The following MTMR12 variants were observed in gnomAD, a reference collection of about 807,000 sequenced individuals.
The protein encoded by MTMR12 is myotubularin-related protein 12.
A neutral mutation model predicts 96.7 loss-of-function variants in MTMR12; 33 were observed. The ratio of observed to expected loss-of-function variants is 0.34; its 90% confidence interval spans 0.26 to 0.46. MTMR12 has a LOEUF of 0.46. Among genes scored for constraint, MTMR12 ranks in the 20% least tolerant of loss-of-function variants. The pLI, the probability that MTMR12 is intolerant of heterozygous loss-of-function variation, is 1.00. For synonymous variants in MTMR12, 298 were observed against 327.2 expected, an observed-to-expected ratio of 0.91 and a Z score of 0.96; for missense variants, 721 against 896.1, an observed-to-expected ratio of 0.80 and a Z score of 2.49.
At chr5:32,239,579 G>A (rs967336780) in intron 12 of MTMR12, among the ~76,000 whole-genome samples, 11 of 152,046 alleles carry the variant, frequency 7.2e-5, no homozygotes, top group Admixed American at 6.5e-4. Context: ...GGAAGCCTCC[G>A]TCACTGAACT....
At chr5:32,311,676 C>G (rs566802797) in intron 1 of MTMR12, among the ~76,000 whole-genome samples, 36 of 152,316 alleles carry the variant, frequency 2.4e-4, no homozygotes, top group African/African-American at 8.7e-4. Flanking sequence ...CTGAGCAAGG[C>G]CTACAAGTTC....
At chr5:32,286,599 G>GT (rs1750548670) in intron 1 of MTMR12, among the ~76,000 whole-genome samples, 1 of 152,058 alleles carries the variant, frequency 6.6e-6, no homozygotes, top group Admixed American at 6.6e-5. Context: ...AATGAGTGCT[G>GT]TAAGTACCAG....
chr5:32,294,434 C>T (rs1179947843), intron 1 of MTMR12, among the ~76,000 whole-genome samples: 6 of 152,060 alleles, frequency 3.9e-5, no homozygotes, highest in Non-Finnish European at 8.8e-5. Flanking sequence ...TCCTTAGTAG[C>T]TGGGATTACT....
chr5:32,292,759 G>GA (rs57298697), intron 1 of MTMR12, among the ~76,000 whole-genome samples: 1 of 151,674 alleles, frequency 6.6e-6, no homozygotes, highest in Non-Finnish European at 1.5e-5. Context: ...CTCCACTAGG[G>GA]AAAAAAAACC....
At chr5:32,303,406 T>A (rs1458593453) in intron 1 of MTMR12, among the ~76,000 whole-genome samples, 2 of 152,156 alleles carry the variant, frequency 1.3e-5, no homozygotes, top group African/African-American at 2.4e-5. Flanking sequence ...CTCCCAGCAC[T>A]GTACTCCCCC....
chr5:32,276,090 A>G (rs114467416), intron 2 of MTMR12, among the ~76,000 whole-genome samples: 2,350 of 152,364 alleles, frequency 0.015, 32 homozygotes, highest in Non-Finnish European at 0.024. Context: ...ATACACCACC[A>G]AGTAGTTACT....
intron 2 of MTMR12, among the ~76,000 whole-genome samples, chr5:32,275,095 C>T (rs1318928882): frequency 6.6e-6 from 1 of 152,094 alleles, no homozygotes; most frequent in East Asian, 1.9e-4. Context: ...TTTAAATTTA[C>T]TTTTTGGCTC....
chr5:32,243,563 C>A lies in MTMR12; in HGVS notation c.1058G>T (p.Trp353Leu). 6.2e-7 allele frequency: 1 copy of A among 1,611,986 alleles called. No homozygotes were observed. Among genetic ancestry groups the A allele is most frequent in the South Asian group, 1.1e-5 (1 of 90,962 alleles). The change falls in exon 11 of 16, where the codon TGG (tryptophan) becomes TTG (leucine). Residue 353 changes from tryptophan to leucine, a missense_variant. Coordinates refer to ENST00000382142, the MANE Select transcript of MTMR12 (RefSeq NM_001040446.3). ...STEFWDTDIK[W>L]FSLLESSSWL... ...GCTGCTACTTTCCAACAGAGAAAAC[C>A]ATTTTATATCTGTGTCCCAAAATTC...
intron 1 of MTMR12, among the ~76,000 whole-genome samples, chr5:32,287,039 A>G (rs569577547): frequency 1.3e-5 from 2 of 152,332 alleles, no homozygotes; most frequent in South Asian, 4.1e-4. Flanking sequence ...GTACAATGGG[A>G]ACACTTAGAA....
chr5:32,262,575 T>C (rs73069905), intron 7 of MTMR12, among the ~76,000 whole-genome samples: 9,206 of 152,112 alleles, frequency 0.061, 542 homozygotes, highest in African/African-American at 0.15. Context: ...TCCAGCATGG[T>C]GCAGCATAGG....
At position 32,312,889 on chromosome 5, in the gene MTMR12, G is replaced by C; in HGVS notation, c.-51C>G. On this transcript the variant is annotated 5_prime_UTR_variant, in exon 1 of 16. Coordinates refer to ENST00000382142, the MANE Select transcript of MTMR12 (RefSeq NM_001040446.3). This position sits in a 1 kb window ranked among gnomAD's most constrained non-coding sequence, Gnocchi z 5.0. Reference sequence around the variant, plus strand: ...CGCGGACGCAGAGGCGGCGGCTCGGGCTCCAGCTGGGGCAGCAGCGGCGGC... The same window carrying C: ...CGCGGACGCAGAGGCGGCGGCTCGGCCTCCAGCTGGGGCAGCAGCGGCGGC... 6.7e-7 allele frequency: 1 copy of C among 1,482,176 alleles called. No individual in the cohort carries two copies. The allele number at this position is 1,482,176 out of a possible 1,614,324, so 91.8% of individuals were successfully genotyped here.
rs974340250 is a variant in MTMR12 at position 32,306,074 on chromosome 5, C to T, written c.81+6684G>A. Reference sequence around the variant, plus strand: ...CTAGCAAAAGCCAAAAAAGAAATTGCTACTAGAGAACACTACTAAGGAAGT... The same window carrying T: ...CTAGCAAAAGCCAAAAAAGAAATTGTTACTAGAGAACACTACTAAGGAAGT... On this transcript the variant is annotated intron_variant, in intron 1 of 15. Transcript: ENST00000382142. 5.9e-5 allele frequency among the ~76,000 whole-genome samples: 9 copies of T among 152,054 alleles called. No homozygotes were observed. In the South Asian group the frequency reaches 1.9e-3, roughly 31 times the overall value.
intron 11 of MTMR12, among the ~76,000 whole-genome samples, chr5:32,243,106 C>T (rs1748545093): frequency 6.6e-6 from 1 of 152,156 alleles, no homozygotes. Flanking sequence ...ACTCCCAAAC[C>T]AAAAATAACT....
intron 6 of MTMR12, among the ~76,000 whole-genome samples, chr5:32,266,705 A>C (rs116771807): frequency 0.031 from 4,679 of 151,102 alleles, 246 homozygotes; most frequent in African/African-American, 0.11. Context: ...AAAACAACCA[A>C]CAACAACAAA....
intron 10 of MTMR12, among the ~76,000 whole-genome samples, chr5:32,245,078 G>A (rs1748628134): frequency 1.3e-5 from 2 of 152,098 alleles, no homozygotes; most frequent in African/African-American, 4.8e-5. Context: ...ACCCAGGCTG[G>A]AGCGCAATGT....
chr5:32,231,471 T>C (rs1466669618), intron 15 of MTMR12, among the ~76,000 whole-genome samples: 1 of 149,138 alleles, frequency 6.7e-6, no homozygotes, highest in African/African-American at 2.5e-5. Flanking sequence ...AGTAAAAACA[T>C]GTGGGGAGAA....
In MTMR12 at chr5:32,312,822, ACTC is replaced by A. The variant is rs772822098; in HGVS notation, c.14_16del (p.Gly5del). 2.0e-6 allele frequency: 3 copies of A among 1,531,046 alleles called. No homozygotes were observed. The highest frequency in any genetic ancestry group is 2.6e-6 in the Non-Finnish European group (3 of 1,142,288). The allele number at this position is 1,531,046 out of a possible 1,614,324, so 94.8% of individuals were successfully genotyped here. On this transcript the variant is annotated inframe_deletion, in exon 1 of 16. Coordinates refer to ENST00000382142, the MANE Select transcript of MTMR12 (RefSeq NM_001040446.3). This position sits in a 1 kb window ranked among gnomAD's most constrained non-coding sequence, Gnocchi z 5.0. Reference sequence around the variant, plus strand: ...CTTGGTGCCGCCGCCACCGCCGACTACTCCTTTCCCCAGCATACCGCCGCCCTG... The same window carrying A: ...CTTGGTGCCGCCGCCACCGCCGACTACTTTCCCCAGCATACCGCCGCCCTG...
intron 13 of MTMR12, among the ~76,000 whole-genome samples, chr5:32,237,660 G>A (rs995654925): frequency 6.6e-6 from 1 of 151,924 alleles, no homozygotes; most frequent in South Asian, 2.1e-4. Context: ...ACAGGCATGT[G>A]CCACCACACC....
intron 10 of MTMR12, among the ~76,000 whole-genome samples, chr5:32,246,464 A>G (rs1030741462): frequency 6.6e-6 from 1 of 152,172 alleles, no homozygotes; most frequent in Non-Finnish European, 1.5e-5. Flanking sequence ...CCCAGCAAGT[A>G]GGTTTGCTCA....
Sources: gnomAD v4.1 joint callset for allele counts (sites outside exome capture counted in the v4.1 genomes callset) on GRCh38, gnomAD v4.1.1 for gene constraint, Gnocchi (gnomAD v3.1) non-coding constraint, MANE v1.5 for transcripts, NCBI Gene and HGNC (gene_info 2026-07-23, HGNC 2026-07-21) for gene names.